Variants in ROBO2 observed in about 807,000 individuals in gnomAD.
ROBO2 encodes roundabout guidance receptor 2.
ROBO2 carries 53 observed loss-of-function variants against 160.8 expected under a neutral mutation model. The ratio of observed to expected loss-of-function variants is 0.33; its 90% CI spans 0.26 to 0.41. The LOEUF is 0.41. Ranked by LOEUF, ROBO2 falls within the 10% of genes least tolerant of loss-of-function variation. The pLI, the probability that ROBO2 is intolerant of heterozygous loss-of-function variation, is 1.00. For synonymous variants in ROBO2, 664 were observed against 611.7 expected (o/e 1.09, Z -1.26); for missense variants, 1,577 against 1,722.4 (o/e 0.92, Z 1.49).
chr3:77,038,183 T>C (rs976544460), upstream of ROBO2, among the ~76,000 whole-genome samples: 14 of 152,214 alleles, frequency 9.2e-5, no homozygotes, highest in African/African-American at 3.4e-4. Flanking sequence ...AAGCCTTTTT[T>C]CACGGGGTGC....
intron 2 of ROBO2, among the ~76,000 whole-genome samples, chr3:77,390,149 C>T (rs552680312): frequency 5.8e-4 from 88 of 152,228 alleles, no homozygotes; most frequent in African/African-American, 1.8e-3. Flanking sequence ...CCAGTCCTTC[C>T]GCCCCTTCTT....
intron 5 of ROBO2, among the ~76,000 whole-genome samples, chr3:77,501,716 A>C (rs970144289): frequency 6.6e-6 from 1 of 152,324 alleles, no homozygotes; most frequent in Non-Finnish European, 1.5e-5. Flanking sequence ...ATAGAAGAAA[A>C]AAAGAAACCA....
At chr3:77,173,618 G>A (rs35145831) in intron 2 of ROBO2, among the ~76,000 whole-genome samples, 1 of 151,876 alleles carries the variant, frequency 6.6e-6, no homozygotes, top group Admixed American at 6.6e-5. Flanking sequence ...ATAGGTCTTG[G>A]CACCATTCAT....
intron 2 of ROBO2, among the ~76,000 whole-genome samples, chr3:76,712,162 AT>A (rs1209259627): frequency 6.6e-6 from 1 of 152,204 alleles, no homozygotes; most frequent in Non-Finnish European, 1.5e-5. Context: ...ACATTTTAAA[AT>A]TAGGTTTATA....
chr3:76,666,460 A>G (rs892259637), intron 2 of ROBO2, among the ~76,000 whole-genome samples: 2 of 152,134 alleles, frequency 1.3e-5, no homozygotes, highest in Non-Finnish European at 2.9e-5. Context: ...TTTATTTTAT[A>G]TCGAACAGTA....
intron 2 of ROBO2, among the ~76,000 whole-genome samples, chr3:76,927,772 TC>T (rs2077075248): frequency 1.3e-5 from 2 of 152,164 alleles, no homozygotes; most frequent in South Asian, 4.1e-4. Flanking sequence ...TATCTTTGAG[TC>T]CTCGATGGCA....
At chr3:76,198,176 G>A (rs529366370) in intron 2 of ROBO2, among the ~76,000 whole-genome samples, 1 of 151,886 alleles carries the variant, frequency 6.6e-6, no homozygotes, top group Non-Finnish European at 1.5e-5. Context: ...GTGGGAAGGG[G>A]AGATCAGACA....
At chr3:76,677,202 A>G (rs757396412) in intron 2 of ROBO2, among the ~76,000 whole-genome samples, 6 of 152,006 alleles carry the variant, frequency 3.9e-5, no homozygotes, top group East Asian at 1.9e-4. Flanking sequence ...TAGACCTCTC[A>G]TCTTCTCTTG....
rs191736954 is a variant in ROBO2, at chr3:77,135,112, G to A, written c.388+36772G>A. Reference sequence around the variant, plus strand: ...CTAGAAGCCCGTATAAGAGGCTTGCGCAGCAATTACACCTCCTGACAACTC... The same window carrying A: ...CTAGAAGCCCGTATAAGAGGCTTGCACAGCAATTACACCTCCTGACAACTC... On this transcript the variant is annotated intron_variant, in intron 2 of 25. Transcript: ENST00000461745. 7.4e-4 allele frequency among the ~76,000 whole-genome samples: 112 copies of A among 152,272 alleles called. 2 individuals carry two copies. In the Middle Eastern group the frequency reaches 0.01, roughly 14 times the overall value.
At chr3:77,634,314 T>C (rs1054207102) in intron 23 of ROBO2, 5 of 159,260 alleles carry the variant, frequency 3.1e-5, no homozygotes, top group African/African-American at 1.2e-4. Flanking sequence ...CCAAAAGAGA[T>C]AGAATTCATT....
chr3:76,552,673 A>G lies in ROBO2; in HGVS notation c.110-545341A>G, dbSNP rs78406913. On this transcript the variant is annotated intron_variant, in intron 2 of 26. Transcript: ENST00000487694. ...GTGTAGTGTGGAAACTATGGCAAACACTCTATTGTGAACCCATGTAGAATA... is the reference window on the plus strand; with the variant it reads ...GTGTAGTGTGGAAACTATGGCAAACGCTCTATTGTGAACCCATGTAGAATA... Among the ~76,000 whole-genome samples, 19 of 152,244 alleles carry G rather than the reference A, an allele frequency of 1.2e-4. No individual in the cohort carries two copies. The East Asian group carries it at 2.1e-3, about 17-fold the overall frequency.
At chr3:77,528,822 A>C (rs1210795346) in intron 6 of ROBO2, among the ~76,000 whole-genome samples, 1 of 151,692 alleles carries the variant, frequency 6.6e-6, no homozygotes, top group Non-Finnish European at 1.5e-5. Flanking sequence ...TTTGAAACTG[A>C]TGAAATCAAT....
At chr3:77,490,261 A>G (rs1296328098) in intron 4 of ROBO2, among the ~76,000 whole-genome samples, 2 of 151,422 alleles carry the variant, frequency 1.3e-5, no homozygotes, top group African/African-American at 2.4e-5. Context: ...CCACCGCCCC[A>G]GCTAATTTTT....
chr3:77,483,207 T>C (rs912597485), intron 4 of ROBO2, among the ~76,000 whole-genome samples: 1 of 152,012 alleles, frequency 6.6e-6, no homozygotes, highest in African/African-American at 2.4e-5. Flanking sequence ...CAAGATTAAG[T>C]TGAAGGAAAA....
At chr3:75,951,596 A>T (rs1948537839) in intron 2 of ROBO2, among the ~76,000 whole-genome samples, 1 of 152,044 alleles carries the variant, frequency 6.6e-6, no homozygotes, top group African/African-American at 2.4e-5. Context: ...AAATTAGCCT[A>T]AGTTAAGTTT....
At chr3:77,233,417 T>C (rs898694784) in intron 2 of ROBO2, among the ~76,000 whole-genome samples, 7 of 152,114 alleles carry the variant, frequency 4.6e-5, no homozygotes, top group Non-Finnish European at 8.8e-5. Flanking sequence ...ATTACAAGAA[T>C]ACACTATTAG....
At chr3:76,119,586 C>G (rs2070632484) in intron 2 of ROBO2, among the ~76,000 whole-genome samples, 1 of 151,720 alleles carries the variant, frequency 6.6e-6, no homozygotes, top group Non-Finnish European at 1.5e-5. Context: ...AGAAGTTGTA[C>G]TTTTTCTTAT....
intron 2 of ROBO2, among the ~76,000 whole-genome samples, chr3:76,282,154 T>C (rs1451175810): frequency 1.3e-5 from 2 of 152,010 alleles, no homozygotes; most frequent in Non-Finnish European, 2.9e-5. Flanking sequence ...GGAAACTCTT[T>C]ACCTGCATAA....
chr3:77,106,991 T>C (rs889391892), intron 2 of ROBO2, among the ~76,000 whole-genome samples: 9 of 152,248 alleles, frequency 5.9e-5, no homozygotes, highest in Non-Finnish European at 1.2e-4. Context: ...TCTTAGTCTG[T>C]TCAAGCTACT....
Sources: allele counts gnomAD v4.1 joint callset (sites outside exome capture counted in the v4.1 genomes callset), GRCh38; gene constraint gnomAD v4.1.1; transcripts MANE v1.5; gene names NCBI Gene and HGNC (gene_info 2026-07-23, HGNC 2026-07-21).